Variants in LHFPL3 observed in about 807,000 individuals in gnomAD.
LHFPL3 encodes LHFPL tetraspan subfamily member 3 protein.
A neutral mutation model predicts 19.3 loss-of-function variants in LHFPL3; 5 were observed. That is an observed-to-expected ratio of 0.26 (90% confidence interval 0.14 to 0.54). LHFPL3 has a LOEUF of 0.54. LHFPL3 is among the 20% of genes least tolerant of loss of function. The pLI is 0.94. For missense variants in LHFPL3, 249 were observed against 307.4 expected (o/e 0.81, Z 1.42); for synonymous variants, 133 against 126.2 (o/e 1.05, Z -0.36).
chr7:104,526,076 C>G (rs1161806234), intron 1 of LHFPL3, among the ~76,000 whole-genome samples: 2 of 152,054 alleles, frequency 1.3e-5, no homozygotes, highest in African/African-American at 4.8e-5. Context: ...TTTATCAATT[C>G]AAGAAAAGAT....
intron 2 of LHFPL3, among the ~76,000 whole-genome samples, chr7:104,849,510 T>C (rs1438998873): frequency 6.6e-6 from 1 of 152,030 alleles, no homozygotes; most frequent in African/African-American, 2.4e-5. Flanking sequence ...TAAGGTTCAC[T>C]GAAAAGTCAG....
At chr7:104,753,191 G>C (rs1195163730) in intron 2 of LHFPL3, among the ~76,000 whole-genome samples, 1 of 152,118 alleles carries the variant, frequency 6.6e-6, no homozygotes, top group African/African-American at 2.4e-5. Context: ...CACTATAATA[G>C]AACTTTAGAG....
At chr7:104,458,316 T>C (rs1480055199) in intron 1 of LHFPL3, among the ~76,000 whole-genome samples, 3 of 152,224 alleles carry the variant, frequency 2.0e-5, no homozygotes, top group Non-Finnish European at 4.4e-5. Flanking sequence ...AGGGATCCAG[T>C]TTCAGCTTTC....
At chr7:104,569,055 C>T (rs1386737533) in intron 1 of LHFPL3, among the ~76,000 whole-genome samples, 1 of 152,162 alleles carries the variant, frequency 6.6e-6, no homozygotes, top group East Asian at 1.9e-4. Flanking sequence ...ACCTCTAATG[C>T]TGCTTATTAC....
At chr7:104,531,934 C>T (rs1276784913) in intron 1 of LHFPL3, among the ~76,000 whole-genome samples, 2 of 151,996 alleles carry the variant, frequency 1.3e-5, no homozygotes, top group Non-Finnish European at 2.9e-5. Flanking sequence ...AGATTGGTGG[C>T]TTTGGTTTAA....
At chr7:104,506,618 T>C (rs760947345) in intron 1 of LHFPL3, among the ~76,000 whole-genome samples, 2 of 152,194 alleles carry the variant, frequency 1.3e-5, no homozygotes, top group African/African-American at 2.4e-5. Flanking sequence ...CTAACAGATA[T>C]AGATCAGGAT....
At chr7:104,890,881 G>A (rs907447849) in intron 2 of LHFPL3, among the ~76,000 whole-genome samples, 25 of 152,274 alleles carry the variant, frequency 1.6e-4, no homozygotes, top group Admixed American at 8.5e-4. Context: ...GATGAGAATA[G>A]ACAGAACCAC....
intron 1 of LHFPL3, among the ~76,000 whole-genome samples, chr7:104,441,335 A>G (rs1792220289): frequency 1.3e-5 from 2 of 152,066 alleles, no homozygotes; most frequent in African/African-American, 4.8e-5. Flanking sequence ...GCCAAGGACA[A>G]TTTCTGTTAC....
chr7:104,709,222 A>AT lies in LHFPL3; in HGVS notation c.446-27444dup, dbSNP rs202037356. Among the ~76,000 whole-genome samples the AT allele has an allele frequency of 3.1e-3, 438 of 143,038 alleles. 2 individuals are homozygous for AT. The highest frequency in any genetic ancestry group is 0.01 in the African/African-American group (410 of 39,220). The allele number at this position is 143,038 out of a possible 152,430, so 93.8% of individuals were successfully genotyped here. A position where few individuals can be genotyped will look rare whatever the true frequency, so the allele number is the denominator to read the frequency against. ...TCCACAATTTCATTTTTATTTTTTT[A>AT]TTTTTTTTTATTTTTTATCTTTAGT... On this transcript the variant is annotated intron_variant, in intron 1 of 2. Transcript: ENST00000424859.
intron 2 of LHFPL3, among the ~76,000 whole-genome samples, chr7:104,875,837 G>A (rs892501352): frequency 1.3e-5 from 2 of 152,152 alleles, no homozygotes; most frequent in African/African-American, 2.4e-5. Flanking sequence ...AGAGATGAAG[G>A]CACACTGTAC....
At chr7:104,412,923 A>G (rs1370923719) in intron 1 of LHFPL3, among the ~76,000 whole-genome samples, 2 of 152,178 alleles carry the variant, frequency 1.3e-5, no homozygotes, top group African/African-American at 4.8e-5. Flanking sequence ...TGTCATTAGC[A>G]TGCCTGTTTA....
chr7:104,450,905 C>T (rs1457912876), intron 1 of LHFPL3, among the ~76,000 whole-genome samples: 1 of 152,160 alleles, frequency 6.6e-6, no homozygotes, highest in Non-Finnish European at 1.5e-5. Flanking sequence ...AGCTTTTTAG[C>T]GCTTTCGCTG....
chr7:104,736,789 G>A lies in LHFPL3; in HGVS notation c.560G>A (p.Arg187His), dbSNP rs765010938. Residue 187 changes from arginine (R) to histidine (H), a missense_variant, in exon 2 of 3, where the codon CGC (arginine) becomes CAC (histidine). Transcript: ENST00000424859. ...DKYTLGACSV[R>H]WAYILAIIGI... ...TACACTCTTGGGGCTTGCTCAGTCC[G>A]CTGGGCATACATCCTGGCTATTATT... 10 of 1,613,214 alleles carry A rather than the reference G, an allele frequency of 6.2e-6. No homozygotes were observed. The highest frequency in any genetic ancestry group is 8.5e-6 in the Non-Finnish European group (10 of 1,179,652).
At chr7:104,372,456 C>G (rs560044209) in intron 1 of LHFPL3, among the ~76,000 whole-genome samples, 2 of 152,048 alleles carry the variant, frequency 1.3e-5, no homozygotes, top group Non-Finnish European at 2.9e-5. Flanking sequence ...ATTTAGGATA[C>G]GCTGGTTGTG....
intron 1 of LHFPL3, among the ~76,000 whole-genome samples, chr7:104,605,880 A>AC (rs926587419): frequency 1.6e-4 from 24 of 151,486 alleles, no homozygotes; most frequent in Middle Eastern, 3.2e-3. Context: ...TGAAAAAAAA[A>AC]AACAACAAGA....
intron 2 of LHFPL3, among the ~76,000 whole-genome samples, chr7:104,806,834 T>C (rs948070448): frequency 6.6e-6 from 1 of 152,114 alleles, no homozygotes; most frequent in Non-Finnish European, 1.5e-5. Flanking sequence ...TTTCCCTCAC[T>C]CTCCTTGCTG....
intron 1 of LHFPL3, among the ~76,000 whole-genome samples, chr7:104,679,183 A>C (rs1176382039): frequency 1.3e-5 from 2 of 152,188 alleles, no homozygotes; most frequent in African/African-American, 4.8e-5. Flanking sequence ...TGGAGAATCC[A>C]CTTCCAATAT....
chr7:104,895,140 T>C (rs1361503069), intron 2 of LHFPL3: 10 of 152,374 alleles, frequency 6.6e-5, no homozygotes, highest in Admixed American at 5.2e-4. Flanking sequence ...ATTACCAAAG[T>C]AGCTTTATTG....
At chr7:104,769,647 C>T (rs1247111704) in intron 2 of LHFPL3, among the ~76,000 whole-genome samples, 3 of 147,280 alleles carry the variant, frequency 2.0e-5, no homozygotes, top group African/African-American at 5.1e-5. Flanking sequence ...GTGTGATGTT[C>T]CCCTCCCTGT....
Sources: allele counts gnomAD v4.1 joint callset (sites outside exome capture counted in the v4.1 genomes callset), GRCh38; gene constraint gnomAD v4.1.1; transcripts MANE v1.5; gene names NCBI Gene and HGNC (gene_info 2026-07-23, HGNC 2026-07-21).